DAB1: variants seen among roughly 807,000 people sequenced by gnomAD.
DAB1 encodes the protein disabled homolog 1.
Under a neutral mutation model 64.6 loss-of-function variants are expected in DAB1, and 15 were observed. That is an observed-to-expected ratio of 0.23 (90% confidence interval 0.16 to 0.36). DAB1 has a LOEUF of 0.36. DAB1 is among the 10% of genes least tolerant of loss of function. The pLI is 1.00. For missense variants in DAB1, 596 were observed against 706.7 expected, an observed-to-expected ratio of 0.84 and a Z score of 1.78; for synonymous variants, 235 against 251.9, an observed-to-expected ratio of 0.93 and a Z score of 0.64.
intron 1 of DAB1, chr1:57,876,847 A>G (rs1644055349): frequency 1.3e-5 from 2 of 152,096 alleles, no homozygotes; most frequent in Admixed American, 6.6e-5. Context: ...TTGCAGGTGA[A>G]GGTCACAGGG....
intron 6 of DAB1, among the ~76,000 whole-genome samples, chr1:57,784,414 A>G (rs962349373): frequency 6.6e-6 from 1 of 152,156 alleles, no homozygotes; most frequent in African/African-American, 2.4e-5. Context: ...AAACAAACAA[A>G]AAAAGCTGAG....
chr1:58,539,761 C>A (rs2100494423), intron 1 of DAB1, among the ~76,000 whole-genome samples: 1 of 152,212 alleles, frequency 6.6e-6, no homozygotes, highest in Non-Finnish European at 1.5e-5. Context: ...GAAACAGAGC[C>A]CTACAACTGT....
chr1:58,180,267 CT>C (rs1194922772), intron 4 of DAB1, among the ~76,000 whole-genome samples: 5 of 72,638 alleles, frequency 6.9e-5, no homozygotes, highest in East Asian at 4.8e-4. Context: ...TTTCTTTTTT[CT>C]TTTTTTTCTT....
intron 4 of DAB1, among the ~76,000 whole-genome samples, chr1:58,198,092 C>T (rs1235287272): frequency 6.6e-6 from 1 of 152,142 alleles, no homozygotes; most frequent in Non-Finnish European, 1.5e-5. Flanking sequence ...TCACTGAATC[C>T]CTTATCATTG....
intron 5 of DAB1, among the ~76,000 whole-genome samples, chr1:58,103,246 T>C (rs1651429242): frequency 6.6e-6 from 1 of 152,124 alleles, no homozygotes; most frequent in Non-Finnish European, 1.5e-5. Flanking sequence ...AAAAGTAACT[T>C]ACTATAAAAA....
chr1:57,649,677 C>T (rs1216000055), intron 6 of DAB1: 9 of 152,096 alleles, frequency 5.9e-5, no homozygotes, highest in Non-Finnish European at 7.4e-5. Context: ...TGAAAACAAA[C>T]AAAACATGAT....
At chr1:58,135,237 C>T (rs1462094319) in intron 5 of DAB1, among the ~76,000 whole-genome samples, 1 of 152,192 alleles carries the variant, frequency 6.6e-6, no homozygotes, top group Non-Finnish European at 1.5e-5. Context: ...TGTCCATGTC[C>T]TAAACCACCG....
At chr1:57,760,777 G>A (rs1463308170) in intron 6 of DAB1, among the ~76,000 whole-genome samples, 1 of 152,100 alleles carries the variant, frequency 6.6e-6, no homozygotes, top group Non-Finnish European at 1.5e-5. Flanking sequence ...TAGACCAAGA[G>A]GCTGGCCATG....
At chr1:57,418,585 C>A (rs908587938) in intron 1 of DAB1, among the ~76,000 whole-genome samples, 4 of 152,162 alleles carry the variant, frequency 2.6e-5, no homozygotes, top group African/African-American at 9.7e-5. Context: ...GACCCATCCC[C>A]TTATTTTTAT....
At chr1:57,159,099 A>G (rs1660500364) in intron 2 of DAB1, among the ~76,000 whole-genome samples, 1 of 152,158 alleles carries the variant, frequency 6.6e-6, no homozygotes, top group Non-Finnish European at 1.5e-5. Context: ...TCATATGCAT[A>G]ACCCAATTCT....
chr1:58,250,476 T>TAGC lies in DAB1; in HGVS notation n.309+92873_309+92875dup, dbSNP rs748125929. 3.6e-4 allele frequency among the ~76,000 whole-genome samples: 55 copies of TAGC among 152,252 alleles called. 2 individuals carry two copies. The highest frequency in any genetic ancestry group is 1.9e-3 in the South Asian group (9 of 4,824). ...GAGGCAGCGGTAGCAACAGCAGCAG[T>TAGC]AGCAGCAGCAGCAGCAGTAGAGATA... On this transcript the variant is annotated intron_variant and non_coding_transcript_variant, in intron 4 of 20. Coordinates refer to the DAB1 transcript ENST00000485760.
At chr1:57,628,628 C>T (rs1255310778) in intron 7 of DAB1, among the ~76,000 whole-genome samples, 1 of 152,024 alleles carries the variant, frequency 6.6e-6, no homozygotes, top group Admixed American at 6.5e-5. Context: ...CCTCTTTGGT[C>T]ATATACGACC....
intron 1 of DAB1, among the ~76,000 whole-genome samples, chr1:57,415,791 T>C (rs269060): frequency 0.077 from 11,719 of 152,166 alleles, 1,523 homozygotes; most frequent in African/African-American, 0.27. Context: ...TCATTATAGG[T>C]ACTGCTACAC....
intron 3 of DAB1, among the ~76,000 whole-genome samples, chr1:58,407,509 C>T (rs1176143189): frequency 2.0e-5 from 3 of 152,150 alleles, no homozygotes; most frequent in Non-Finnish European, 4.4e-5. Flanking sequence ...AAAATATTTT[C>T]GGGTGTCACA....
In DAB1 at chr1:57,978,056, A is replaced by T. The variant is rs113068830; in HGVS notation, n.388-93894T>A. Among the ~76,000 whole-genome samples, 1,084 of 152,306 alleles carry T rather than the reference A, an allele frequency of 7.1e-3. 16 individuals carry two copies. The highest frequency in any genetic ancestry group is 0.025 in the African/African-American group (1,038 of 41,570). ...CACTGATTTTCTTCACAGAATTGCA[A>T]AAAAATTACTTTAAAGTTCATATGG... is the stretch of plus-strand genomic sequence containing the variant. On this transcript the variant is annotated intron_variant and non_coding_transcript_variant, in intron 5 of 20. Transcript: ENST00000485760.
intron 5 of DAB1, among the ~76,000 whole-genome samples, chr1:58,143,006 TC>T (rs1282570198): frequency 3.3e-5 from 5 of 152,144 alleles, no homozygotes; most frequent in African/African-American, 1.2e-4. Context: ...TTCTCGGTGT[TC>T]CTTCTGGAGT....
chr1:58,262,391 C>A lies in DAB1; in HGVS notation n.309+80961G>T, dbSNP rs568663883. On this transcript the variant is annotated intron_variant and non_coding_transcript_variant, in intron 4 of 20. Transcript: ENST00000485760. ...CAGTTGGTCAAGAGATCGAGACCAT[C>A]CTGGACAACATGGTGAAACCCCATC... is the stretch of plus-strand genomic sequence containing the variant. Among the ~76,000 whole-genome samples, 6 of 152,256 alleles carry A rather than the reference C, an allele frequency of 3.9e-5. No homozygotes were observed. In the South Asian group the frequency reaches 1.2e-3, roughly 32 times the overall value.
At chr1:57,537,027 T>G (rs1461505032) in intron 7 of DAB1, among the ~76,000 whole-genome samples, 1 of 152,128 alleles carries the variant, frequency 6.6e-6, no homozygotes, top group African/African-American at 2.4e-5. Context: ...AAAGACCTAG[T>G]ATGAAAAAAA....
intron 7 of DAB1, among the ~76,000 whole-genome samples, chr1:57,478,297 C>T (rs1643964669): frequency 6.6e-6 from 1 of 152,154 alleles, no homozygotes; most frequent in Non-Finnish European, 1.5e-5. Context: ...GATCTGAACT[C>T]TAACCTATGG....
Sources: gnomAD v4.1 joint callset for allele counts (sites outside exome capture counted in the v4.1 genomes callset) on GRCh38, gnomAD v4.1.1 for gene constraint, MANE v1.5 for transcripts, NCBI Gene and HGNC (gene_info 2026-07-23, HGNC 2026-07-21) for gene names.